Variants in TENT5D observed in about 807,000 individuals in gnomAD.
TENT5D encodes the protein cancer/testis antigen 112.
For synonymous variants in TENT5D, 103 were observed against 100.6 expected (o/e 1.02, Z -0.15); for missense variants, 191 against 287.0 (o/e 0.67, Z 2.42).
At chrX:80,404,864 T>C (rs1931451485) in intron 3 of TENT5D, among the ~76,000 whole-genome samples, 1 of 112,177 alleles carries the variant, frequency 8.9e-6, no homozygotes, top group Admixed American at 9.5e-5. Context: ...AGAATTTTTA[T>C]AATCTCGGTT....
rs765231957 is a variant in TENT5D, at chrX:80,354,498, C to G, written c.-142+11934C>G. 9.0e-4 allele frequency among the ~76,000 whole-genome samples: 101 copies of G among 112,289 alleles called. 2 individuals carry two copies. Among genetic ancestry groups the G allele is most frequent in the Non-Finnish European group, 1.7e-3 (92 of 53,276 alleles). On this transcript the variant is annotated intron_variant, in intron 3 of 4. Transcript: ENST00000538312. The stretch of plus-strand genomic sequence containing the variant: ...TATTCTGTTATTAATGTTTCCAATG[C>G]TTTCTGAAATTCCTATAGTGATTTT...
intron 3 of TENT5D, among the ~76,000 whole-genome samples, chrX:80,382,704 G>C (rs866853766): frequency 4.0e-5 from 4 of 99,376 alleles, no homozygotes; most frequent in African/African-American, 7.3e-5. Context: ...AATGGCGGAC[G>C]CCCCCCCCCC....
chrX:80,404,029 T>G lies in TENT5D; in HGVS notation c.-141-34581T>G, dbSNP rs578159597. ...AAAGTAGGGGCTTCCGGGTTAGAAA[T>G]AGGTAAGAGACAGAAAGATTGCATT... On this transcript the variant is annotated intron_variant, in intron 3 of 4. Transcript: ENST00000538312. Among the ~76,000 whole-genome samples, 3 of 111,484 alleles carry G rather than the reference T, an allele frequency of 2.7e-5. No individual in the cohort carries two copies. In the South Asian group the frequency reaches 1.1e-3, roughly 42 times the overall value.
intron 3 of TENT5D, among the ~76,000 whole-genome samples, chrX:80,358,466 A>ATC (rs1431200892): frequency 8.9e-6 from 1 of 112,491 alleles, no homozygotes; most frequent in African/African-American, 3.2e-5. Flanking sequence ...AACTATAGTG[A>ATC]AGCTTGTAAT....
intron 3 of TENT5D, among the ~76,000 whole-genome samples, chrX:80,353,272 C>T (rs746799060): frequency 8.9e-6 from 1 of 112,098 alleles, no homozygotes; most frequent in Non-Finnish European, 1.9e-5. Context: ...CTTTCATTAT[C>T]TTATTTTTTA....
intron 3 of TENT5D, among the ~76,000 whole-genome samples, chrX:80,375,745 G>C (rs1475775711): frequency 1.8e-5 from 2 of 111,403 alleles, no homozygotes; most frequent in Non-Finnish European, 3.8e-5. Context: ...TTATTTCATA[G>C]TATTTCTTAA....
At chrX:80,401,785 T>C (rs1018569154) in intron 3 of TENT5D, among the ~76,000 whole-genome samples, 2 of 112,258 alleles carry the variant, frequency 1.8e-5, no homozygotes, top group South Asian at 3.7e-4. Context: ...CCTTCTAATA[T>C]GTTGTTGAAT....
intron 3 of TENT5D, among the ~76,000 whole-genome samples, chrX:80,375,505 G>A (rs964122414): frequency 3.6e-5 from 4 of 111,297 alleles, no homozygotes; most frequent in Admixed American, 1.9e-4. Flanking sequence ...TTGCTGCACT[G>A]AAAAAGTCCT....
intron 3 of TENT5D, among the ~76,000 whole-genome samples, chrX:80,374,100 T>G (rs2147527768): frequency 9.0e-6 from 1 of 111,443 alleles, no homozygotes; most frequent in East Asian, 2.8e-4. Flanking sequence ...TGGTATTTGG[T>G]TTTCTGTTCC....
intron 1 of TENT5D, among the ~76,000 whole-genome samples, chrX:80,426,575 A>G (rs1389290717): frequency 1.8e-5 from 2 of 111,995 alleles, no homozygotes; most frequent in Non-Finnish European, 3.8e-5. Flanking sequence ...AGAAAAATCT[A>G]TGTAATACTC....
chrX:80,381,258 C>A (rs1292339186), intron 3 of TENT5D, among the ~76,000 whole-genome samples: 3 of 112,030 alleles, frequency 2.7e-5, no homozygotes, highest in African/African-American at 9.7e-5. Context: ...GTTGAAACTT[C>A]TTTTCTTTAA....
intron 3 of TENT5D, among the ~76,000 whole-genome samples, chrX:80,398,629 A>T (rs370588437): frequency 2.7e-5 from 3 of 110,191 alleles, no homozygotes; most frequent in African/African-American, 9.9e-5. Flanking sequence ...GTGTATATGG[A>T]TATCTAGTTT....
chrX:80,430,796 G>A (rs1029620740), intron 1 of TENT5D, among the ~76,000 whole-genome samples: 1 of 111,224 alleles, frequency 9.0e-6, no homozygotes, highest in Non-Finnish European at 1.9e-5. Flanking sequence ...AATACAGACT[G>A]CAGATGGTTT....
intron 2 of TENT5D, among the ~76,000 whole-genome samples, chrX:80,440,026 C>G (rs1932251997): frequency 9.0e-6 from 1 of 111,060 alleles, no homozygotes. Flanking sequence ...GTTATTAAAG[C>G]CTTGATTTAG....
intron 3 of TENT5D, among the ~76,000 whole-genome samples, chrX:80,384,028 A>G (rs1930934152): frequency 9.0e-6 from 1 of 110,539 alleles, no homozygotes; most frequent in African/African-American, 3.3e-5. Context: ...TATTCCAATC[A>G]ATAGAAAAAG....
At chrX:80,380,024 T>A (rs1187002020) in intron 3 of TENT5D, among the ~76,000 whole-genome samples, 4 of 106,244 alleles carry the variant, frequency 3.8e-5, no homozygotes, top group Non-Finnish European at 7.7e-5. Context: ...TTGCTCTTGC[T>A]TCTCTAGTTC....
intron 3 of TENT5D, among the ~76,000 whole-genome samples, chrX:80,384,598 T>G (rs1239853702): frequency 1.8e-4 from 17 of 93,200 alleles, no homozygotes; most frequent in African/African-American, 6.3e-4. Context: ...GAGAAAGAAA[T>G]AAAGGGCATT....
At chrX:80,410,687 G>C (rs1466707796) in intron 3 of TENT5D, among the ~76,000 whole-genome samples, 7 of 104,784 alleles carry the variant, frequency 6.7e-5, no homozygotes, top group South Asian at 4.6e-4. Flanking sequence ...TCAGTGTGGC[G>C]ATTCCTCAGG....
intron 2 of TENT5D, among the ~76,000 whole-genome samples, chrX:80,341,715 T>C (rs1410100114): frequency 2.9e-5 from 3 of 102,640 alleles, no homozygotes; most frequent in South Asian, 4.6e-4. Context: ...CTTTTCTTTT[T>C]TTTTTTTTTT....
Sources: gnomAD v4.1 joint callset for allele counts (sites outside exome capture counted in the v4.1 genomes callset) on GRCh38, gnomAD v4.1.1 for gene constraint, MANE v1.5 for transcripts, NCBI Gene and HGNC (gene_info 2026-07-23, HGNC 2026-07-21) for gene names.